Variants in TTC7B observed in about 807,000 individuals in gnomAD.
The protein encoded by TTC7B is tetratricopeptide repeat protein 7B.
TTC7B carries 28 observed loss-of-function variants against 106.8 expected under a neutral mutation model. The ratio of observed to expected loss-of-function variants is 0.26; its 90% CI spans 0.19 to 0.36. The LOEUF (loss-of-function observed/expected upper bound fraction) is 0.36. Among genes scored for constraint, TTC7B ranks in the 10% least tolerant of loss-of-function variants. The pLI is 1.00. For missense variants in TTC7B, 862 were observed against 1,076.4 expected (o/e 0.80, Z 2.79); for synonymous variants, 405 against 430.6 (o/e 0.94, Z 0.74).
At chr14:90,604,948 C>T (rs927676739) in intron 17 of TTC7B, among the ~76,000 whole-genome samples, 1 of 152,188 alleles carries the variant, frequency 6.6e-6, no homozygotes, top group Admixed American at 6.5e-5. Flanking sequence ...TCCTTCACTG[C>T]AAATGGAAAA....
At chr14:90,698,098 T>A (rs1449385293) in intron 5 of TTC7B, 1 of 152,220 alleles carries the variant, frequency 6.6e-6, no homozygotes, top group East Asian at 1.9e-4. Flanking sequence ...AGGCACATCT[T>A]AAAGTGCCCA....
intron 3 of TTC7B, among the ~76,000 whole-genome samples, chr14:90,777,868 T>A (rs988718834): frequency 2.6e-5 from 4 of 152,220 alleles, no homozygotes; most frequent in Admixed American, 6.5e-5. Flanking sequence ...CAGCTTCAGC[T>A]GACATTTACG....
rs1889185039 is a variant in TTC7B at position 90,527,912 on chromosome 14, G to T, written c.*13456C>A. On this transcript the variant is annotated 3_prime_UTR_variant, in exon 20 of 20. Coordinates refer to ENST00000328459, the MANE Select transcript of TTC7B (RefSeq NM_001010854.2). ...AAGCTAAAGGAAAATGGCGAGCCAGGTGTGGCGGCTCACGCCTGTAATCCC... is the reference window on the plus strand; with the variant it reads ...AAGCTAAAGGAAAATGGCGAGCCAGTTGTGGCGGCTCACGCCTGTAATCCC... 6.6e-6 allele frequency: 1 copy of T among 151,892 alleles called. No individual in the cohort carries two copies. The highest frequency in any genetic ancestry group is 2.1e-4 in the South Asian group (1 of 4,808). 9.4% of individuals were successfully genotyped at this position (151,892 alleles called of 1,614,324 possible).
rs896252894 is a variant in TTC7B at position 90,537,514 on chromosome 14, C to G, written c.*3854G>C. 2.6e-5 allele frequency: 4 copies of G among 152,194 alleles called. No individual in the cohort carries two copies. The highest frequency in any genetic ancestry group is 6.5e-5 in the Admixed American group (1 of 15,274). 9.4% of individuals were successfully genotyped at this position (152,194 alleles called of 1,614,324 possible). On this transcript the variant is annotated 3_prime_UTR_variant, in exon 20 of 20. Coordinates refer to ENST00000328459, the MANE Select transcript of TTC7B (RefSeq NM_001010854.2). ...CCAGTTTATGGTAATTTGCTGCAAC[C>G]ACAGGCAATTAATATACACTGTTAG...
At chr14:90,622,737 T>C (rs116252398) in intron 15 of TTC7B, among the ~76,000 whole-genome samples, 2,001 of 151,618 alleles carry the variant, frequency 0.013, 38 homozygotes, top group African/African-American at 0.045. Flanking sequence ...TGCCCCCACT[T>C]CCCCCCAAAA....
intron 9 of TTC7B, among the ~76,000 whole-genome samples, chr14:90,670,461 A>G (rs1886589492): frequency 1.3e-5 from 2 of 152,234 alleles, no homozygotes; most frequent in African/African-American, 4.8e-5. Context: ...AATGTAATTA[A>G]ATGCAACGGA....
intron 3 of TTC7B, among the ~76,000 whole-genome samples, chr14:90,749,476 G>A (rs1054572561): frequency 4.8e-5 from 7 of 146,674 alleles, no homozygotes; most frequent in Admixed American, 1.4e-4. Flanking sequence ...CGCAATCTCA[G>A]CTCACTGCAA....
At chr14:90,551,611 G>A (rs1890084063) in intron 19 of TTC7B, among the ~76,000 whole-genome samples, 1 of 152,202 alleles carries the variant, frequency 6.6e-6, no homozygotes, top group African/African-American at 2.4e-5. Flanking sequence ...GGCAGCGGTA[G>A]TGTTTTCAAA....
At chr14:90,596,733 G>T (rs1055264801) in intron 17 of TTC7B, among the ~76,000 whole-genome samples, 4 of 152,168 alleles carry the variant, frequency 2.6e-5, no homozygotes, top group African/African-American at 7.2e-5. Flanking sequence ...TCCCTTATTA[G>T]ACCGTGTGGG....
rs199770166 is a variant in TTC7B at position 90,793,524 on chromosome 14, C to CAAA, written c.122-7199_122-7197dup. 7.0e-5 allele frequency among the ~76,000 whole-genome samples: 9 copies of CAAA among 128,486 alleles called. No homozygotes were observed. The South Asian group carries it at 7.5e-4, about 11-fold the overall frequency. The allele number at this position is 128,486 out of a possible 152,430, so 84.3% of individuals were successfully genotyped here. A position where few individuals can be genotyped will look rare whatever the true frequency, so the allele number is the denominator to read the frequency against. ...TTGGCGAAAGAGCAAGACTCTGTCT[C>CAAA]AAAAAAAAAAAAAAAGAATCTCTTT... On this transcript the variant is annotated intron_variant, in intron 1 of 19. Coordinates refer to ENST00000328459, the MANE Select transcript of TTC7B (RefSeq NM_001010854.2).
rs1890251854 is a variant in TTC7B at position 90,755,218 on chromosome 14, A to T, written c.446-10296T>A. 2.0e-5 allele frequency among the ~76,000 whole-genome samples: 3 copies of T among 152,224 alleles called. No individual in the cohort carries two copies. In the South Asian group the frequency reaches 6.2e-4, roughly 31 times the overall value. Reference sequence around the variant, plus strand: ...GCACACATTTCCACTTCTCTTAGATATACACCTAGGGACGGAATTAGACAT... The same window carrying T: ...GCACACATTTCCACTTCTCTTAGATTTACACCTAGGGACGGAATTAGACAT... On this transcript the variant is annotated intron_variant, in intron 3 of 19. Transcript: ENST00000328459.
intron 18 of TTC7B, among the ~76,000 whole-genome samples, chr14:90,591,489 G>A (rs923710454): frequency 6.6e-6 from 1 of 152,176 alleles, no homozygotes; most frequent in African/African-American, 2.4e-5. Context: ...ACTGAATTGG[G>A]GGCAGCAAGG....
intron 3 of TTC7B, among the ~76,000 whole-genome samples, chr14:90,771,578 C>T (rs1368280352): frequency 1.3e-5 from 2 of 151,762 alleles, no homozygotes; most frequent in Admixed American, 6.6e-5. Context: ...CCAACCTGGG[C>T]GACAAAGCAA....
chr14:90,785,943 G>A lies in TTC7B; in HGVS notation c.276+231C>T, dbSNP rs971017776. Among the ~76,000 whole-genome samples, 3 of 152,202 alleles carry A rather than the reference G, an allele frequency of 2.0e-5. No individual in the cohort carries two copies. The East Asian group carries it at 5.8e-4, about 29-fold the overall frequency. On this transcript the variant is annotated intron_variant, in intron 2 of 19. Transcript: ENST00000328459. ...ATAAGTGGCATTGTGCAGATGACGT[G>A]TCATTGAAGACTCTCATCAGAGAGA... is the stretch of plus-strand genomic sequence containing the variant.
chr14:90,580,297 G>T (rs1256323224), intron 18 of TTC7B, among the ~76,000 whole-genome samples: 2 of 152,188 alleles, frequency 1.3e-5, no homozygotes. Flanking sequence ...GTACCTAGAG[G>T]CCTTCTCAGT....
chr14:90,612,645 C>T (rs1892921562), intron 16 of TTC7B, among the ~76,000 whole-genome samples: 1 of 152,188 alleles, frequency 6.6e-6, no homozygotes, highest in Non-Finnish European at 1.5e-5. Context: ...TTCCCTGTGC[C>T]TCACTGACTT....
At chr14:90,599,057 A>G (rs1483798120) in intron 17 of TTC7B, among the ~76,000 whole-genome samples, 1 of 152,222 alleles carries the variant, frequency 6.6e-6, no homozygotes, top group Non-Finnish European at 1.5e-5. Context: ...AGGCTGAGGC[A>G]GGAGAATCGG....
At chr14:90,716,720 G>A (rs892546844) in intron 5 of TTC7B, among the ~76,000 whole-genome samples, 13 of 152,044 alleles carry the variant, frequency 8.6e-5, no homozygotes, top group African/African-American at 3.1e-4. Flanking sequence ...AGTTTTTCTG[G>A]GTATTCTTCA....
intron 1 of TTC7B, among the ~76,000 whole-genome samples, chr14:90,786,757 T>C (rs1453193319): frequency 6.6e-6 from 1 of 152,080 alleles, no homozygotes; most frequent in Non-Finnish European, 1.5e-5. Flanking sequence ...TTTTTTGTGT[T>C]TTTAGTAAAA....
Sources: allele counts gnomAD v4.1 joint callset (sites outside exome capture counted in the v4.1 genomes callset), GRCh38; gene constraint gnomAD v4.1.1; transcripts MANE v1.5; gene names NCBI Gene and HGNC (gene_info 2026-07-23, HGNC 2026-07-21).